ACSS3: variants seen among roughly 807,000 people sequenced by gnomAD.
ACSS3 encodes the protein acyl-CoA synthetase short-chain family member 3, mitochondrial.
A neutral mutation model predicts 84.2 loss-of-function variants in ACSS3; 64 were observed. The ratio of observed to expected loss-of-function variants is 0.76; its 90% CI spans 0.62 to 0.94. The LOEUF is 0.94. Ranked by LOEUF, ACSS3 falls within the 40% of genes least tolerant of loss-of-function variation. The pLI, the probability that ACSS3 is intolerant of heterozygous loss-of-function variation, is 0.00. For missense variants in ACSS3, 815 were observed against 867.6 expected, an observed-to-expected ratio of 0.94 and a Z score of 0.76; for synonymous variants, 317 against 310.1, an observed-to-expected ratio of 1.02 and a Z score of -0.23.
chr12:81,220,709 G>A (rs1051545629), intron 11 of ACSS3, among the ~76,000 whole-genome samples: 2 of 151,936 alleles, frequency 1.3e-5, no homozygotes, highest in Non-Finnish European at 2.9e-5. Flanking sequence ...TTCAGTTTCT[G>A]ATTTGACTTT....
chr12:81,234,834 T>C (rs2033579045), intron 13 of ACSS3, among the ~76,000 whole-genome samples: 1 of 151,376 alleles, frequency 6.6e-6, no homozygotes, highest in Non-Finnish European at 1.5e-5. Context: ...AATTTCTTTT[T>C]CTAGTTTCTG....
intron 7 of ACSS3, among the ~76,000 whole-genome samples, chr12:81,174,265 G>T (rs977715594): frequency 1.8e-4 from 27 of 152,188 alleles, no homozygotes; most frequent in African/African-American, 6.5e-4. Flanking sequence ...CATGCACTTT[G>T]GCACATCTTA....
intron 8 of ACSS3, among the ~76,000 whole-genome samples, chr12:81,187,212 A>G (rs1443028050): frequency 6.6e-6 from 1 of 151,848 alleles, no homozygotes. Context: ...GGATTGGAAG[A>G]AAGGGGAAAT....
chr12:81,114,316 A>G (rs1883856691), intron 2 of ACSS3, among the ~76,000 whole-genome samples: 1 of 152,126 alleles, frequency 6.6e-6, no homozygotes, highest in African/African-American at 2.4e-5. Flanking sequence ...AATTTAGAGG[A>G]GAAAATTATT....
intron 2 of ACSS3, among the ~76,000 whole-genome samples, chr12:81,123,585 T>C (rs925592038): frequency 6.6e-6 from 1 of 151,948 alleles, no homozygotes; most frequent in African/African-American, 2.4e-5. Flanking sequence ...GCACAGTACC[T>C]GATAGGCTTT....
At chr12:81,144,030 CT>C (rs1430356117) in intron 5 of ACSS3, among the ~76,000 whole-genome samples, 1 of 152,124 alleles carries the variant, frequency 6.6e-6, no homozygotes, top group African/African-American at 2.4e-5. Flanking sequence ...GGGGACGGGA[CT>C]TTCATAATCA....
At chr12:81,185,656 A>G (rs2135855933) in intron 8 of ACSS3, among the ~76,000 whole-genome samples, 1 of 151,736 alleles carries the variant, frequency 6.6e-6, no homozygotes, top group East Asian at 1.9e-4. Flanking sequence ...CTATATTGGT[A>G]CGGTAAAACT....
At chr12:81,239,146 A>G (rs1318750909) in intron 13 of ACSS3, among the ~76,000 whole-genome samples, 1 of 151,914 alleles carries the variant, frequency 6.6e-6, no homozygotes, top group Non-Finnish European at 1.5e-5. Context: ...TTAATCTCCA[A>G]TAATTTGTGA....
chr12:81,102,430 G>A (rs1372136065), intron 1 of ACSS3, among the ~76,000 whole-genome samples: 3 of 152,116 alleles, frequency 2.0e-5, no homozygotes, highest in African/African-American at 4.8e-5. Context: ...GTGCATGGGC[G>A]CAGGTGAGGG....
rs2293651 is a variant in ACSS3 at position 81,231,185 on chromosome 12, A to C, written c.1596+47A>C. 4.0e-5 allele frequency: 58 copies of C among 1,435,428 alleles called. 2 individuals are homozygous for C. The African/African-American group carries it at 7.6e-4, about 19-fold the overall frequency. 88.9% of individuals were successfully genotyped at this position (1,435,428 alleles called of 1,614,324 possible). A position where few individuals can be genotyped will look rare whatever the true frequency, so the allele number is the denominator to read the frequency against. ...TTTATCTTCTTATGTACTTTTCTAT[A>C]ATTCTTGCCTATTAAATTGAGAAAC... On this transcript the variant is annotated intron_variant, in intron 12 of 15. Coordinates refer to ENST00000548058, the MANE Select transcript of ACSS3 (RefSeq NM_024560.4).
intron 3 of ACSS3, among the ~76,000 whole-genome samples, chr12:81,137,959 G>T (rs997130527): frequency 2.6e-5 from 4 of 152,082 alleles, no homozygotes; most frequent in African/African-American, 9.6e-5. Context: ...CCTTCCTTCT[G>T]CCTTCGCCAC....
At chr12:81,233,905 A>C (rs2033546973) in intron 13 of ACSS3, among the ~76,000 whole-genome samples, 1 of 151,550 alleles carries the variant, frequency 6.6e-6, no homozygotes, top group Non-Finnish European at 1.5e-5. Flanking sequence ...GGTTTTTTAA[A>C]ATGTTTTAAA....
chr12:81,120,468 A>C (rs1480646976), intron 2 of ACSS3, among the ~76,000 whole-genome samples: 1 of 152,204 alleles, frequency 6.6e-6, no homozygotes, highest in Non-Finnish European at 1.5e-5. Context: ...GAAACTATAA[A>C]ATCATTTAAT....
At chr12:81,240,939 A>G (rs1385541646) in intron 13 of ACSS3, among the ~76,000 whole-genome samples, 1 of 151,008 alleles carries the variant, frequency 6.6e-6, no homozygotes, top group East Asian at 2.0e-4. Context: ...GCACCCACTA[A>G]TTCATCATCT....
intron 2 of ACSS3, among the ~76,000 whole-genome samples, chr12:81,115,577 A>G (rs1184368837): frequency 2.0e-5 from 3 of 152,086 alleles, no homozygotes; most frequent in Non-Finnish European, 4.4e-5. Context: ...TTAGAATTAC[A>G]GGTTTGAGCC....
In ACSS3 at chr12:81,134,833, T is replaced by G. The variant is rs776410726; in HGVS notation, c.474T>G (p.Gly158=). ...EVLEQVSKLA[G]VLVKHGIKKG... ...TGGCATAGGTCTCCAAGCTGGCTGG[T>G]GTCTTGGTCAAGCATGGCATCAAGA... Residue 158 remains glycine (G), a synonymous_variant, in exon 3 of 16, where the codon GGT becomes GGG. Transcript: ENST00000548058. The G allele has an allele frequency of 4.9e-5, 77 of 1,568,016 alleles. No individual in the cohort carries two copies. The African/African-American group carries it at 1.0e-3, about 21-fold the overall frequency.
intron 2 of ACSS3, among the ~76,000 whole-genome samples, chr12:81,122,610 GTTGAA>G (rs1409271305): frequency 2.6e-5 from 4 of 152,242 alleles, no homozygotes; most frequent in South Asian, 2.1e-4. Context: ...ACAAACTTGT[GTTGAA>G]TTGAATAGTC....
In ACSS3 at chr12:81,143,172, A is replaced by AC; in HGVS notation, c.847dup (p.His283ProfsTer2). 6.2e-7 allele frequency: 1 copy of AC among 1,613,876 alleles called. No individual in the cohort carries two copies. ...ATGAAGAGATGGCAAAAGCCCAGTC[A>AC]CATGACTGTGTTCCTGTTCTTTCAG... On this transcript the variant is annotated frameshift_variant, in exon 5 of 16. Coordinates refer to ENST00000548058, the MANE Select transcript of ACSS3 (RefSeq NM_024560.4). LOFTEE classifies it high-confidence loss of function.
chr12:81,177,534 A>G lies in ACSS3; in HGVS notation c.1250+2595A>G, dbSNP rs372231278. On this transcript the variant is annotated intron_variant, in intron 8 of 15. Transcript: ENST00000548058. ...CATCACAGTGAACAGGCAACCCACA[A>G]AATGGGAGAAAATTTTCACAACCTA... is the stretch of plus-strand genomic sequence containing the variant. Among the ~76,000 whole-genome samples, 116 of 152,252 alleles carry G rather than the reference A, an allele frequency of 7.6e-4. 1 individual carries two copies. Among genetic ancestry groups the G allele is most frequent in the African/African-American group, 2.7e-3 (112 of 41,550 alleles).
Sources: gnomAD v4.1 joint callset for allele counts (sites outside exome capture counted in the v4.1 genomes callset) on GRCh38, gnomAD v4.1.1 for gene constraint, MANE v1.5 for transcripts, NCBI Gene and HGNC (gene_info 2026-07-23, HGNC 2026-07-21) for gene names.